The following DNAJB12 variants were observed in gnomAD, a reference collection of about 807,000 sequenced individuals.
DNAJB12 encodes the protein dnaJ homolog subfamily B member 12.
DNAJB12 carries 14 observed loss-of-function variants against 40.6 expected under a neutral mutation model. The observed-to-expected ratio is 0.34, with a 90% CI of 0.23 to 0.54. The LOEUF (loss-of-function observed/expected upper bound fraction) is 0.54. Among genes scored for constraint, DNAJB12 ranks in the 20% least tolerant of loss-of-function variants. The pLI, the probability that DNAJB12 is intolerant of heterozygous loss-of-function variation, is 0.92. For missense variants in DNAJB12, 444 were observed against 501.7 expected (o/e 0.89, Z 1.10); for synonymous variants, 181 against 199.5 (o/e 0.91, Z 0.78).
chr10:72,338,777 T>A (rs1425704087), intron 5 of DNAJB12, among the ~76,000 whole-genome samples: 2 of 151,898 alleles, frequency 1.3e-5, no homozygotes, highest in African/African-American at 4.8e-5. Context: ...AAGACCAGTC[T>A]GGCCAACATA....
At chr10:72,345,893 CAAA>C (rs1247241424) in intron 1 of DNAJB12, among the ~76,000 whole-genome samples, 4 of 61,736 alleles carry the variant, frequency 6.5e-5, no homozygotes, top group African/African-American at 5.8e-5. Context: ...GGATCTGTCT[CAAA>C]AAAAAAAAAA....
In DNAJB12 at chr10:72,335,516, C is replaced by T; in HGVS notation, c.*30+264G>A. 1 of 1,194,960 alleles carries T rather than the reference C, an allele frequency of 8.4e-7. No individual in the cohort carries two copies. Among genetic ancestry groups the T allele is most frequent in the East Asian group, 4.5e-5 (1 of 22,014 alleles). The allele number at this position is 1,194,960 out of a possible 1,614,324, so 74.0% of individuals were successfully genotyped here. On this transcript the variant is annotated intron_variant, in intron 8 of 8. Transcript: ENST00000444643. The surrounding 1 kb of genome is among the most constrained non-coding windows in gnomAD (Gnocchi z 4.4). Reference sequence around the variant, plus strand: ...CAACAGTTTCAAGTTCCCACTCTGCCTGGTTCTGGGGTCCCCCACACCCCT... The same window carrying T: ...CAACAGTTTCAAGTTCCCACTCTGCTTGGTTCTGGGGTCCCCCACACCCCT...
Position 72,354,846 on chromosome 10 carries a change from C to A in DNAJB12, c.52G>T (p.Ala18Ser), listed in dbSNP as rs1564826107. Residue 18 changes from alanine to serine, a missense_variant, in exon 1 of 9, where the codon GCC (alanine) becomes TCC (serine). Coordinates refer to ENST00000444643, the MANE Select transcript of DNAJB12 (RefSeq NM_017626.7). ...CGGTCGGGCTGGTTGCTCTGGATGGCCTTGAGGGCGATGCTGATACAGCGC... is the reference window on the plus strand; with the variant it reads ...CGGTCGGGCTGGTTGCTCTGGATGGACTTGAGGGCGATGCTGATACAGCGC... Reference protein sequence around the residue: ...AERCISIALKAIQSNQPDRAL... With the variant: ...AERCISIALKSIQSNQPDRAL... The A allele has an allele frequency of 6.2e-7, 1 of 1,614,114 alleles. No individual in the cohort carries two copies. Among genetic ancestry groups the A allele is most frequent in the African/African-American group, 1.3e-5 (1 of 75,060 alleles).
chr10:72,337,409 C>T (rs958056182), intron 6 of DNAJB12, among the ~76,000 whole-genome samples: 1 of 152,230 alleles, frequency 6.6e-6, no homozygotes, highest in Non-Finnish European at 1.5e-5. Flanking sequence ...ACCCACCCCA[C>T]TGAAGATGTG....
chr10:72,344,539 C>T (rs1861728795), intron 2 of DNAJB12, among the ~76,000 whole-genome samples: 1 of 152,238 alleles, frequency 6.6e-6, no homozygotes, highest in African/African-American at 2.4e-5. Context: ...CATTCTACCC[C>T]ACACAGGCTC....
intron 6 of DNAJB12, 150 bp from the exon 7 acceptor site, chr10:72,336,846 AAGG>A: frequency 1.7e-6 from 1 of 601,064 alleles, no homozygotes; most frequent in Middle Eastern, 4.6e-4. Flanking sequence ...CACTCCCTGA[AAGG>A]AGAGTCTGAG....
intron 5 of DNAJB12, among the ~76,000 whole-genome samples, chr10:72,338,763 G>A (rs1188907349): frequency 2.0e-5 from 3 of 151,954 alleles, no homozygotes; most frequent in African/African-American, 7.3e-5. Context: ...GAGGCCAGGA[G>A]TTCAAGACCA....
In DNAJB12 at chr10:72,334,536, CTTTG is replaced by C. The variant is rs899349161; in HGVS notation, c.*108_*111del. On this transcript the variant is annotated 3_prime_UTR_variant, in exon 9 of 9. Transcript: ENST00000444643. ...CTCCAATTCCATTTTAATTTTGTTT[CTTTG>C]TTTGTCTTTCCTCAAATATACAGTC... The C allele has an allele frequency of 1.9e-4, 286 of 1,532,432 alleles. No individual in the cohort carries two copies. In the East Asian group the frequency reaches 2.2e-3, roughly 12 times the overall value. 94.9% of individuals were successfully genotyped at this position (1,532,432 alleles called of 1,614,324 possible).
chr10:72,344,939 C>T lies in DNAJB12; in HGVS notation c.311+11G>A. 6.2e-7 allele frequency: 1 copy of T among 1,614,162 alleles called. No homozygotes were observed. Among genetic ancestry groups the T allele is most frequent in the Non-Finnish European group, 8.5e-7 (1 of 1,180,000 alleles). On this transcript the variant is annotated intron_variant, in intron 2 of 8. Coordinates refer to ENST00000444643, the MANE Select transcript of DNAJB12 (RefSeq NM_017626.7). Reference sequence around the variant, plus strand: ...GTCTCCCCAGGCTCCAGCCCCTGCCCACCCATCTACCTTTTCACAGCTGCA... The same window carrying T: ...GTCTCCCCAGGCTCCAGCCCCTGCCTACCCATCTACCTTTTCACAGCTGCA...
At chr10:72,344,138 G>C (rs1360009027) in intron 2 of DNAJB12, among the ~76,000 whole-genome samples, 1 of 152,112 alleles carries the variant, frequency 6.6e-6, no homozygotes, top group African/African-American at 2.4e-5. Context: ...AAGAGACCCT[G>C]GTTCTCTTTC....
chr10:72,339,238 C>CAA (rs10695425), intron 5 of DNAJB12, among the ~76,000 whole-genome samples: 5,135 of 111,168 alleles, frequency 0.046, 163 homozygotes, highest in East Asian at 0.16. Flanking sequence ...GACCCTGTCT[C>CAA]AAAAAAAAAA....
At chr10:72,343,626 G>A in intron 2 of DNAJB12, 115 bp from the exon 3 acceptor site, 1 of 1,151,538 alleles carries the variant, frequency 8.7e-7, no homozygotes, top group Non-Finnish European at 1.3e-6. Flanking sequence ...GACCAACAGG[G>A]CAAGGCTGAC....
intron 5 of DNAJB12, among the ~76,000 whole-genome samples, chr10:72,339,928 C>G (rs531529586): frequency 2.0e-5 from 3 of 151,374 alleles, no homozygotes; most frequent in Admixed American, 2.0e-4. Flanking sequence ...CCAGACTGCT[C>G]TCAAACTCCT....
chr10:72,345,099 T>C lies in DNAJB12; in HGVS notation c.162A>G (p.Pro54=). The part of the protein sequence containing the change: ...RALIESLNQK[P]QTAGDQPPPT... ...GTGGGGGTTGGTCACCGGCAGTCTG[T>C]GGTTTCTGGTTGAGGGACTCAATCA... is the stretch of plus-strand genomic sequence containing the variant. The change falls in exon 2 of 9, where the codon CCA becomes CCG. Residue 54 remains proline, a synonymous_variant. Transcript: ENST00000444643. The C allele has an allele frequency of 6.2e-7, 1 of 1,613,406 alleles. No homozygotes were observed. Among genetic ancestry groups the C allele is most frequent in the Non-Finnish European group, 8.5e-7 (1 of 1,179,590 alleles).
In DNAJB12 at chr10:72,342,447, G is replaced by A. The variant is rs557137181; in HGVS notation, c.457+919C>T. ...TGGCCTCTCGGTACAGTCGGAGCAG[G>A]CTGCAGGCAGAGGCTGGGGCTGGAG... On this transcript the variant is annotated intron_variant, in intron 3 of 8. Coordinates refer to ENST00000444643, the MANE Select transcript of DNAJB12 (RefSeq NM_017626.7). Among the ~76,000 whole-genome samples the A allele has an allele frequency of 3.4e-4, 52 of 152,352 alleles. 1 individual carries two copies. The South Asian group carries it at 0.01, about 30-fold the overall frequency.
intron 6 of DNAJB12, among the ~76,000 whole-genome samples, chr10:72,337,190 C>T (rs1038100879): frequency 2.6e-5 from 4 of 152,238 alleles, no homozygotes; most frequent in African/African-American, 9.6e-5. Flanking sequence ...AGCCTTGACA[C>T]CCAGACAGGA....
intron 3 of DNAJB12, among the ~76,000 whole-genome samples, chr10:72,342,572 G>A (rs759754746): frequency 2.0e-5 from 3 of 152,198 alleles, no homozygotes; most frequent in Non-Finnish European, 4.4e-5. Flanking sequence ...CTCTGCCACA[G>A]GCTCTCCAGC....
chr10:72,343,616 G>A, intron 2 of DNAJB12, 105 bp from the exon 3 acceptor site: 4 of 1,244,552 alleles, frequency 3.2e-6, no homozygotes, highest in South Asian at 1.4e-5. Flanking sequence ...GGCTGCGGGG[G>A]ACCAACAGGG....
At position 72,345,206 on chromosome 10, in the gene DNAJB12, C is replaced by T. The variant is rs934530579; in HGVS notation, c.134-79G>A. 7 of 1,513,908 alleles carry T rather than the reference C, an allele frequency of 4.6e-6. No individual in the cohort carries two copies. In the East Asian group the frequency reaches 1.4e-4, roughly 29 times the overall value. 93.8% of individuals were successfully genotyped at this position (1,513,908 alleles called of 1,614,324 possible). On this transcript the variant is annotated intron_variant, in intron 1 of 8. Coordinates refer to ENST00000444643, the MANE Select transcript of DNAJB12 (RefSeq NM_017626.7). The stretch of plus-strand genomic sequence containing the variant: ...TCGCCGAGCGGCCCGCTGCTTCCCA[C>T]TCACTTCCCCTCCCAGCAAAGCCAC...
Sources: allele counts gnomAD v4.1 joint callset (sites outside exome capture counted in the v4.1 genomes callset), GRCh38; gene constraint gnomAD v4.1.1; non-coding constraint Gnocchi (gnomAD v3.1); transcripts MANE v1.5; gene names NCBI Gene and HGNC (gene_info 2026-07-23, HGNC 2026-07-21).